Variants in ACOXL observed in about 807,000 individuals in gnomAD.
ACOXL encodes acyl-CoA oxidase like, also known as acyl-coenzyme A oxidase-like protein.
In ACOXL, 70 loss-of-function variants were observed where a neutral mutation model predicts 71.9. The ratio of observed to expected loss-of-function variants is 0.97; its 90% CI spans 0.80 to 1.19. ACOXL has a LOEUF of 1.19. ACOXL is among the 50% of genes most tolerant of loss of function. The pLI is 0.00. For missense variants in ACOXL, 703 were observed against 736.3 expected (o/e 0.95, Z 0.52); for synonymous variants, 253 against 281.6 (o/e 0.90, Z 1.02).
intron 10 of ACOXL, among the ~76,000 whole-genome samples, chr2:110,868,027 C>T (rs576414113): frequency 6.6e-6 from 1 of 152,314 alleles, no homozygotes; most frequent in East Asian, 1.9e-4. Context: ...TCCCAAAGTG[C>T]TGGGATTACA....
intron 16 of ACOXL, among the ~76,000 whole-genome samples, chr2:111,065,164 G>A (rs2067003950): frequency 6.6e-6 from 1 of 152,090 alleles, no homozygotes; most frequent in Non-Finnish European, 1.5e-5. Context: ...ATAGAACAAT[G>A]GATAAAAATA....
chr2:111,088,520 C>T (rs1290294577), intron 16 of ACOXL, among the ~76,000 whole-genome samples: 2 of 152,152 alleles, frequency 1.3e-5, no homozygotes, highest in African/African-American at 4.8e-5. Context: ...CCTTAACAAG[C>T]CAGCCCAGGA....
chr2:111,033,223 A>G (rs1183937793), intron 15 of ACOXL, among the ~76,000 whole-genome samples: 2 of 152,172 alleles, frequency 1.3e-5, no homozygotes, highest in South Asian at 2.1e-4. Flanking sequence ...ATCAGGGACT[A>G]TGGGTCATGA....
intron 14 of ACOXL, among the ~76,000 whole-genome samples, chr2:111,023,234 CG>C (rs2064857755): frequency 6.6e-6 from 1 of 151,902 alleles, no homozygotes; most frequent in Admixed American, 6.6e-5. Context: ...GAGAGGGGAG[CG>C]GGGAGATTTA....
intron 16 of ACOXL, among the ~76,000 whole-genome samples, chr2:111,059,136 T>G (rs2066685876): frequency 6.6e-6 from 1 of 152,118 alleles, no homozygotes; most frequent in Non-Finnish European, 1.5e-5. Context: ...ATTCAGGAGG[T>G]TGAGGCTGGG....
At chr2:110,870,663 G>A (rs902691264) in intron 10 of ACOXL, among the ~76,000 whole-genome samples, 5 of 152,288 alleles carry the variant, frequency 3.3e-5, no homozygotes, top group South Asian at 2.1e-4. Flanking sequence ...GTTCCATACC[G>A]TGTACACCTG....
intron 3 of ACOXL, among the ~76,000 whole-genome samples, chr2:110,793,270 C>T (rs370872568): frequency 5.1e-4 from 77 of 151,338 alleles, no homozygotes; most frequent in African/African-American, 1.9e-3. Flanking sequence ...GGACTCACCT[C>T]CACAGACGGG....
chr2:111,002,300 A>G (rs544443716), intron 14 of ACOXL, among the ~76,000 whole-genome samples: 3 of 152,338 alleles, frequency 2.0e-5, no homozygotes, highest in South Asian at 2.1e-4. Flanking sequence ...ATAATTTGTT[A>G]TATAGCAATA....
At chr2:110,838,975 C>A (rs1370351615) in intron 9 of ACOXL, among the ~76,000 whole-genome samples, 1 of 152,224 alleles carries the variant, frequency 6.6e-6, no homozygotes, top group African/African-American at 2.4e-5. Flanking sequence ...CACCTTCTTC[C>A]TTAACAAGGT....
intron 10 of ACOXL, among the ~76,000 whole-genome samples, chr2:110,892,760 C>A (rs943738833): frequency 7.9e-5 from 12 of 152,108 alleles, no homozygotes; most frequent in East Asian, 3.8e-4. Context: ...AACTTCCTGG[C>A]AGATTAGAAA....
chr2:110,849,440 T>C (rs1353456184), intron 10 of ACOXL, among the ~76,000 whole-genome samples: 1 of 152,224 alleles, frequency 6.6e-6, no homozygotes, highest in Non-Finnish European at 1.5e-5. Context: ...ATTGGCAAGA[T>C]AATTCAAAAA....
intron 12 of ACOXL, among the ~76,000 whole-genome samples, chr2:110,982,966 G>A (rs1017033178): frequency 2.0e-5 from 3 of 151,860 alleles, no homozygotes; most frequent in Non-Finnish European, 2.9e-5. Flanking sequence ...TTTTGCGTTG[G>A]GCCCCAAATT....
chr2:110,979,854 C>T (rs182041172), intron 12 of ACOXL, among the ~76,000 whole-genome samples: 4 of 152,288 alleles, frequency 2.6e-5, no homozygotes, highest in Admixed American at 6.5e-5. Context: ...CACTGACCAT[C>T]GCTTTGGGGG....
At chr2:110,844,067 T>C (rs530108926) in intron 10 of ACOXL, among the ~76,000 whole-genome samples, 23 of 152,074 alleles carry the variant, frequency 1.5e-4, no homozygotes, top group African/African-American at 5.5e-4. Context: ...TGTAGAGGAG[T>C]CTGAAGACTT....
Position 111,011,913 on chromosome 2 carries a change from A to G in ACOXL, c.1281+15909A>G, listed in dbSNP as rs1574479430. 3.3e-5 allele frequency among the ~76,000 whole-genome samples: 5 copies of G among 149,286 alleles called. No homozygotes were observed. In the South Asian group the frequency reaches 8.5e-4, roughly 25 times the overall value. On this transcript the variant is annotated intron_variant, in intron 14 of 17. Coordinates refer to ENST00000439055, the MANE Select transcript of ACOXL (RefSeq NM_001142807.4). ...AAAAAAAAAAAAAAAAAAGGAGTGT[A>G]TTACCAGGGATAAAGAAAGTCATTT...
At chr2:110,995,754 G>A (rs2063367365) in intron 13 of ACOXL, 139 bp from the exon 14 acceptor site, 1 of 612,256 alleles carries the variant, frequency 1.6e-6, no homozygotes, top group Non-Finnish European at 2.9e-6. Flanking sequence ...GTGAGAGATG[G>A]GATGGGGAGA....
intron 17 of ACOXL, among the ~76,000 whole-genome samples, chr2:111,110,172 T>G (rs1248426365): frequency 6.6e-6 from 1 of 152,200 alleles, no homozygotes; most frequent in Non-Finnish European, 1.5e-5. Flanking sequence ...GATTTTACTT[T>G]CTTTTGTTTA....
intron 2 of ACOXL, among the ~76,000 whole-genome samples, chr2:110,779,098 G>C (rs1683016932): frequency 6.6e-6 from 1 of 152,228 alleles, no homozygotes; most frequent in South Asian, 2.1e-4. Context: ...TACACTGTCA[G>C]GGTCCTGCAA....
chr2:110,880,153 CA>C (rs56852121), intron 10 of ACOXL, among the ~76,000 whole-genome samples: 3,646 of 84,714 alleles, frequency 0.043, 63 homozygotes, highest in African/African-American at 0.12. Flanking sequence ...CTGTCACAAA[CA>C]AAAAAAAAAA....
Sources: allele counts gnomAD v4.1 joint callset (sites outside exome capture counted in the v4.1 genomes callset), GRCh38; gene constraint gnomAD v4.1.1; transcripts MANE v1.5; gene names NCBI Gene and HGNC (gene_info 2026-07-23, HGNC 2026-07-21).